PAGR1: variants seen among roughly 807,000 people sequenced by gnomAD.
PAGR1 encodes PAXIP1 associated glutamate rich protein 1.
Under a neutral mutation model 22.4 loss-of-function variants are expected in PAGR1, and 20 were observed. The observed-to-expected ratio is 0.89, with a 90% confidence interval of 0.63 to 1.30. The LOEUF (loss-of-function observed/expected upper bound fraction) is 1.30. Ranked by LOEUF, PAGR1 falls within the 50% of genes most tolerant of loss-of-function variation. The pLI, the probability that PAGR1 is intolerant of heterozygous loss-of-function variation, is 0.00. For missense variants in PAGR1, 338 were observed against 343.6 expected, an observed-to-expected ratio of 0.98 and a Z score of 0.13; for synonymous variants, 161 against 148.3, an observed-to-expected ratio of 1.09 and a Z score of -0.62.
In PAGR1 at chr16:29,822,312, G is replaced by C. The variant is rs1323793933; in HGVS notation, c.*2558G>C. On this transcript the variant is annotated 3_prime_UTR_variant, in exon 3 of 3. Transcript: ENST00000320330. ...TCTGTCTCGAAAAGTTCCTAAAACT[G>C]TGCTGCTTTAAAAAAAAAAAAAGTA... Among the ~76,000 whole-genome samples the C allele has an allele frequency of 6.9e-6, 1 of 145,440 alleles. No individual in the cohort carries two copies. The highest frequency in any genetic ancestry group is 2.8e-5 in the African/African-American group (1 of 36,140).
Position 29,819,520 on chromosome 16 carries a change from A to AT in PAGR1, c.566-34dup. ...GGCAGGTATGGTGTACACCACCTCC[A>AT]TCCCTTCCATGTATCTTACCTTCCT... On this transcript the variant is annotated intron_variant, in intron 2 of 2. Transcript: ENST00000320330. The AT allele has an allele frequency of 2.5e-6, 4 of 1,611,124 alleles. No homozygotes were observed. In the South Asian group the frequency reaches 4.4e-5, roughly 18 times the overall value.
rs770791613 is a variant in PAGR1, at chr16:29,816,503, C to T, written c.-23C>T. 5.4e-6 allele frequency: 8 copies of T among 1,475,486 alleles called. No homozygotes were observed. Among genetic ancestry groups the T allele is most frequent in the Non-Finnish European group, 7.2e-6 (8 of 1,113,012 alleles). 91.4% of individuals were successfully genotyped at this position (1,475,486 alleles called of 1,614,324 possible). A position where few individuals can be genotyped will look rare whatever the true frequency, so the allele number is the denominator to read the frequency against. On this transcript the variant is annotated 5_prime_UTR_variant, in exon 1 of 3. Transcript: ENST00000320330. The stretch of plus-strand genomic sequence containing the variant: ...CTTCGGACTCCAGTATCTGTCGTCG[C>T]AGGGTCCCTGCCCTAGTGGCCTATG...
chr16:29,817,220 C>A lies in PAGR1; in HGVS notation c.493C>A (p.Pro165Thr), dbSNP rs777345099. 6.2e-7 allele frequency: 1 copy of A among 1,613,930 alleles called. No homozygotes were observed. The highest frequency in any genetic ancestry group is 8.5e-7 in the Non-Finnish European group (1 of 1,180,012). Reference protein sequence around the residue: ...KEEEEEKPHMPTEFDFDDEPV... With the variant: ...KEEEEEKPHMTTEFDFDDEPV... ...GTTCACCTGTCCCAGACCACACATGCCCACGGAATTTGATTTTGATGATGA... is the reference window on the plus strand; with the variant it reads ...GTTCACCTGTCCCAGACCACACATGACCACGGAATTTGATTTTGATGATGA... Residue 165 changes from proline to threonine, a missense_variant, in exon 2 of 3, where the codon CCC becomes ACC. This residue lies in a region of PAGR1 where 51 missense variants were observed against 83.1 expected (regional missense o/e 0.61). Transcript: ENST00000320330.
At chr16:29,817,751 C>G (rs1307322166) in intron 2 of PAGR1, among the ~76,000 whole-genome samples, 7 of 152,096 alleles carry the variant, frequency 4.6e-5, no homozygotes, top group Non-Finnish European at 1.0e-4. Flanking sequence ...GGATTGCAGG[C>G]ATGAGCCAAT....
intron 2 of PAGR1, 55 bp downstream of exon 2, chr16:29,817,347 C>A: frequency 1.3e-6 from 2 of 1,562,988 alleles, no homozygotes; most frequent in South Asian, 1.1e-5. Flanking sequence ...CTCAGTTACC[C>A]AAGATCGGCT....
chr16:29,817,478 T>C (rs1900274608), intron 2 of PAGR1, among the ~76,000 whole-genome samples, 186 bp downstream of exon 2: 1 of 147,700 alleles, frequency 6.8e-6, no homozygotes, highest in Non-Finnish European at 1.5e-5. Flanking sequence ...CTTTTTTTTT[T>C]TTTTTTTTTT....
rs770646627 is a variant in PAGR1 at position 29,817,207 on chromosome 16, C to T, written c.483-3C>T. The T allele has an allele frequency of 1.2e-6, 2 of 1,614,102 alleles. No individual in the cohort carries two copies. Among genetic ancestry groups the T allele is most frequent in the Non-Finnish European group, 1.7e-6 (2 of 1,180,010 alleles). On this transcript the variant is annotated splice_polypyrimidine_tract_variant and splice_region_variant and intron_variant, in intron 1 of 2. Coordinates refer to ENST00000320330, the MANE Select transcript of PAGR1 (RefSeq NM_024516.4). ...CACCCTTAACTATGTTCACCTGTCC[C>T]AGACCACACATGCCCACGGAATTTG...
In PAGR1 at chr16:29,817,268, C is replaced by T. The variant is rs1900270254; in HGVS notation, c.541C>T (p.Leu181=). The T allele has an allele frequency of 1.2e-6, 2 of 1,613,942 alleles. No individual in the cohort carries two copies. The highest frequency in any genetic ancestry group is 3.3e-5 in the Admixed American group (2 of 59,990). The stretch of plus-strand genomic sequence containing the variant: ...TGAGCCAGTGACACCAAAGGACTCC[C>T]TGATTGACCGGAGACGCACCCCAGG... ...DDEPVTPKDS[L]IDRRRTPGSS... The change falls in exon 2 of 3, where the codon CTG becomes TTG. Residue 181 remains leucine (L), a synonymous_variant. Transcript: ENST00000320330.
At chr16:29,818,088 A>G (rs1430304209) in intron 2 of PAGR1, 1 of 152,240 alleles carries the variant, frequency 6.6e-6, no homozygotes, top group African/African-American at 2.4e-5. Flanking sequence ...TATTATCTAG[A>G]TCTGCATCCC....
Position 29,817,207 on chromosome 16 carries a change from C to G in PAGR1, c.483-3C>G. 1 of 1,614,102 alleles carries G rather than the reference C, an allele frequency of 6.2e-7. No homozygotes were observed. The highest frequency in any genetic ancestry group is 8.5e-7 in the Non-Finnish European group (1 of 1,180,010). On this transcript the variant is annotated splice_polypyrimidine_tract_variant and splice_region_variant and intron_variant, in intron 1 of 2. Transcript: ENST00000320330. ...CACCCTTAACTATGTTCACCTGTCCCAGACCACACATGCCCACGGAATTTG... is the reference window on the plus strand; with the variant it reads ...CACCCTTAACTATGTTCACCTGTCCGAGACCACACATGCCCACGGAATTTG...
chr16:29,821,506 G>C lies in PAGR1; in HGVS notation c.*1752G>C, dbSNP rs1487185585. 6.6e-6 allele frequency: 1 copy of C among 152,452 alleles called. No homozygotes were observed. 9.4% of individuals were successfully genotyped at this position (152,452 alleles called of 1,614,324 possible). On this transcript the variant is annotated 3_prime_UTR_variant, in exon 3 of 3. Transcript: ENST00000320330. Reference sequence around the variant, plus strand: ...CCAGGTTCTGGGGGAGCAGAGGCTGGGCGCTGGCCCAACTTACAGGAAACA... The same window carrying C: ...CCAGGTTCTGGGGGAGCAGAGGCTGCGCGCTGGCCCAACTTACAGGAAACA...
At chr16:29,817,319 G>A in intron 2 of PAGR1, 27 bp downstream of exon 2, 2 of 1,610,074 alleles carry the variant, frequency 1.2e-6, no homozygotes, top group Non-Finnish European at 1.7e-6. Context: ...AACAGTTGGG[G>A]GAGGTGAAGG....
chr16:29,818,875 G>A (rs780333050), intron 2 of PAGR1, among the ~76,000 whole-genome samples: 3 of 151,992 alleles, frequency 2.0e-5, no homozygotes, highest in Admixed American at 1.3e-4. Flanking sequence ...GCCATAAATC[G>A]TGTCACTTTT....
In PAGR1 at chr16:29,821,925, G is replaced by A. The variant is rs1431288962; in HGVS notation, c.*2171G>A. Among the ~76,000 whole-genome samples, 1 of 152,090 alleles carries A rather than the reference G, an allele frequency of 6.6e-6. No homozygotes were observed. On this transcript the variant is annotated 3_prime_UTR_variant, in exon 3 of 3. Coordinates refer to ENST00000320330, the MANE Select transcript of PAGR1 (RefSeq NM_024516.4). ...GCCTGCAAAAAGCAGCAGGAGTGGG[G>A]TTAAGAATTCCAGCCTAGGGCTGGA... is the stretch of plus-strand genomic sequence containing the variant.
Position 29,821,044 on chromosome 16 carries a change from G to T in PAGR1, c.*1290G>T, listed in dbSNP as rs1262996558. ...TCGATCATTCAGGAAGTCATTAGCA[G>T]AGTGATTTCCAGAAGGCGTAGAATT... On this transcript the variant is annotated 3_prime_UTR_variant, in exon 3 of 3. Transcript: ENST00000320330. 6.6e-6 allele frequency: 1 copy of T among 152,248 alleles called. No homozygotes were observed. Among genetic ancestry groups the T allele is most frequent in the Non-Finnish European group, 1.5e-5 (1 of 68,056 alleles). 9.4% of individuals were successfully genotyped at this position (152,248 alleles called of 1,614,324 possible). A position where few individuals can be genotyped will look rare whatever the true frequency, so the allele number is the denominator to read the frequency against.
In PAGR1 at chr16:29,816,673, G is replaced by A; in HGVS notation, c.148G>A (p.Gly50Arg). Residue 50 changes from glycine (G) to arginine (R), a missense_variant, in exon 1 of 3, where the codon GGG becomes AGG. Physicochemically the swap from Gly to Arg is moderately radical, Grantham distance 125. Coordinates refer to ENST00000320330, the MANE Select transcript of PAGR1 (RefSeq NM_024516.4). ...CTCGGCCGGTAAGGCCGAGGACGAG[G>A]GGGAAGGAGGCCGAGAGGAGACCGA... ...SASAGKAEDE[G>R]EGGREETERE... The A allele has an allele frequency of 6.3e-7, 1 of 1,595,430 alleles. No individual in the cohort carries two copies. The highest frequency in any genetic ancestry group is 8.6e-7 in the Non-Finnish European group (1 of 1,168,862).
In PAGR1 at chr16:29,816,752, G is replaced by A. The variant is rs774727009; in HGVS notation, c.227G>A (p.Gly76Glu). 6.9e-6 allele frequency: 11 copies of A among 1,595,180 alleles called. No homozygotes were observed. In the South Asian group the frequency reaches 7.8e-5, roughly 11 times the overall value. ...CAGGGAGAAGTCCCCAGCGCTGGGG[G>A]AGAAGAGCCTGCCGAGGAGGACTCC... ...EAQGEVPSAG[G>E]EEPAEEDSED... Residue 76 changes from glycine to glutamate, a missense_variant, in exon 1 of 3, where the codon GGA (glycine) becomes GAA (glutamate). Gly to Glu is a moderately conservative substitution (Grantham distance 98). Around this residue, in one of 3 missense-constraint regions of PAGR1, gnomAD observed 235 missense variants for 216.0 expected, o/e 1.09. Transcript: ENST00000320330.
At chr16:29,819,341 C>T (rs1900313773) in intron 2 of PAGR1, 2 of 590,216 alleles carry the variant, frequency 3.4e-6, no homozygotes, top group Non-Finnish European at 6.0e-6. Context: ...CCAGTATGTT[C>T]CTCCCTGTTC....
At chr16:29,818,986 T>C (rs1900304404) in intron 2 of PAGR1, among the ~76,000 whole-genome samples, 1 of 151,758 alleles carries the variant, frequency 6.6e-6, no homozygotes, top group South Asian at 2.1e-4. Context: ...TGCACTCTTT[T>C]TTTTGTTTTT....
Sources: gnomAD v4.1 joint callset for allele counts (sites outside exome capture counted in the v4.1 genomes callset) on GRCh38, gnomAD v4.1.1 for gene constraint, gnomAD v4.1.1 regional missense constraint, MANE v1.5 for transcripts, NCBI Gene and HGNC (gene_info 2026-07-23, HGNC 2026-07-21) for gene names.